RPL27: variants seen among roughly 807,000 people sequenced by gnomAD.
The protein encoded by RPL27 is large ribosomal subunit protein eL27.
For missense variants in RPL27, 131 were observed against 174.3 expected (o/e 0.75, Z 1.40); for synonymous variants, 77 against 61.0 (o/e 1.26, Z -1.22).
In RPL27 at chr17:43,002,914, G is replaced by A. The variant is rs369125440; in HGVS notation, c.405G>A (p.Arg135=). The part of the protein sequence containing the change: ...GKNKWFFQKL[R]F ...ACAAGTGGTTCTTCCAGAAACTGCG[G>A]TTTTAGATGCTTTGTTTTGATCATT... Residue 135 remains arginine, a synonymous_variant, in exon 5 of 5, where the codon CGG becomes CGA. Transcript: ENST00000253788. 1.9e-6 allele frequency: 3 copies of A among 1,612,488 alleles called. No individual in the cohort carries two copies. Among genetic ancestry groups the A allele is most frequent in the Middle Eastern group, 1.7e-4 (1 of 6,056 alleles).
In RPL27 at chr17:42,998,454, G is replaced by C. The variant is rs9899458; in HGVS notation, c.-20G>C. The stretch of plus-strand genomic sequence containing the variant: ...TCCTTCTTTCCTTTTTGCTGGTAGG[G>C]CCGGGTGGTTGCTGCCGGTAAGTAG... On this transcript the variant is annotated 5_prime_UTR_variant, in exon 1 of 5. Coordinates refer to ENST00000253788, the MANE Select transcript of RPL27 (RefSeq NM_000988.5). 296,364 of 299,454 alleles carry C rather than the reference G, an allele frequency of 0.99. 146,731 individuals are homozygous for C. The highest frequency in any genetic ancestry group is 1 in the East Asian group (11,123 of 11,124). 18.5% of individuals were successfully genotyped at this position (299,454 alleles called of 1,614,324 possible).
Position 43,002,653 on chromosome 17 carries a change from C to G in RPL27, c.252-20C>G. The G allele has an allele frequency of 6.7e-7, 1 of 1,501,402 alleles. No individual in the cohort carries two copies. Among genetic ancestry groups the G allele is most frequent in the Non-Finnish European group, 9.3e-7 (1 of 1,077,978 alleles). 93.0% of individuals were successfully genotyped at this position (1,501,402 alleles called of 1,614,324 possible). A position where few individuals can be genotyped will look rare whatever the true frequency, so the allele number is the denominator to read the frequency against. ...CCGGCAGTATGTGGGCTAATCCTGC[C>G]TCTCCACCTTTGTCCCCAGGTACTC... On this transcript the variant is annotated intron_variant, in intron 3 of 4. Transcript: ENST00000253788.
chr17:43,002,691 C>G lies in RPL27; in HGVS notation c.270C>G (p.Pro90=), dbSNP rs544770646. The part of the protein sequence containing the change: ...LMPTRYSVDI[P]LDKTVVNKDV... ...TCCCCAGGTACTCTGTGGATATCCC[C>G]TTGGACAAAACTGTCGTCAATAAGG... Residue 90 remains proline (P), a synonymous_variant, in exon 4 of 5, where the codon CCC becomes CCG. Coordinates refer to ENST00000253788, the MANE Select transcript of RPL27 (RefSeq NM_000988.5). 47 of 1,612,468 alleles carry G rather than the reference C, an allele frequency of 2.9e-5. No individual in the cohort carries two copies. In the South Asian group the frequency reaches 4.8e-4, roughly 17 times the overall value.
intron 4 of RPL27, 37 bp downstream of exon 4, chr17:43,002,820 T>C: frequency 1.2e-6 from 2 of 1,603,732 alleles, no homozygotes; most frequent in Non-Finnish European, 1.7e-6. Context: ...GGAGTATGGT[T>C]TCACTATTTC....
chr17:42,999,116 T>A, intron 2 of RPL27: 1 of 396,934 alleles, frequency 2.5e-6, no homozygotes. Flanking sequence ...TTTCAGGTAT[T>A]GTCATGTGCA....
intron 3 of RPL27, 33 bp from the exon 4 acceptor site, chr17:43,002,640 G>T: frequency 7.2e-7 from 1 of 1,382,090 alleles, no homozygotes; most frequent in Non-Finnish European, 1.0e-6. Context: ...GGCAGTATGT[G>T]GGCTAATCCT....
intron 3 of RPL27, among the ~76,000 whole-genome samples, chr17:43,001,571 A>G (rs568857866): frequency 2.5e-4 from 38 of 151,658 alleles, no homozygotes; most frequent in South Asian, 4.1e-4. Context: ...CAGTGAGCTG[A>G]GATGGCACCA....
intron 3 of RPL27, among the ~76,000 whole-genome samples, chr17:43,001,644 G>A (rs558005814): frequency 6.6e-6 from 1 of 151,324 alleles, no homozygotes; most frequent in African/African-American, 2.4e-5. Context: ...AATAATAAAA[G>A]GGCAGAGAGA....
At chr17:42,999,032 C>T in intron 2 of RPL27, 2 of 559,678 alleles carry the variant, frequency 3.6e-6, no homozygotes, top group Non-Finnish European at 6.4e-6. Context: ...ACGCATAAAG[C>T]CTTCTCCACC....
intron 1 of RPL27, 21 bp from the exon 2 acceptor site, chr17:42,998,728 C>G: frequency 6.2e-7 from 1 of 1,602,036 alleles, no homozygotes; most frequent in Non-Finnish European, 8.5e-7. Flanking sequence ...TTAAGTGGCC[C>G]TTTCTCCTTG....
In RPL27 at chr17:43,002,651, G is replaced by T. The variant is rs748940329; in HGVS notation, c.252-22G>T. 5 of 1,487,804 alleles carry T rather than the reference G, an allele frequency of 3.4e-6. No homozygotes were observed. In the Admixed American group the frequency reaches 5.0e-5, roughly 15 times the overall value. The allele number at this position is 1,487,804 out of a possible 1,614,324, so 92.2% of individuals were successfully genotyped here. On this transcript the variant is annotated intron_variant, in intron 3 of 4. Coordinates refer to ENST00000253788, the MANE Select transcript of RPL27 (RefSeq NM_000988.5). ...CCCCGGCAGTATGTGGGCTAATCCT[G>T]CCTCTCCACCTTTGTCCCCAGGTAC...
intron 3 of RPL27, among the ~76,000 whole-genome samples, chr17:43,001,887 C>G (rs1233147086): frequency 6.6e-6 from 1 of 151,538 alleles, no homozygotes. Context: ...ATCAGGAGAT[C>G]GAGACCATCC....
chr17:42,998,922 T>A, intron 2 of RPL27, 91 bp downstream of exon 2: 1 of 1,023,344 alleles, frequency 9.8e-7, no homozygotes, highest in African/African-American at 1.6e-5. Context: ...GGCCTGTTTC[T>A]GGGGCAGTAG....
intron 2 of RPL27, chr17:42,999,168 C>CT (rs1362616067): frequency 5.6e-3 from 1,111 of 198,874 alleles, no homozygotes; most frequent in South Asian, 0.013. Flanking sequence ...CTTTTCTTTT[C>CT]TTTTTTTTTT....
intron 2 of RPL27, chr17:42,999,674 GC>G (rs2050338652): frequency 2.3e-6 from 1 of 434,078 alleles, no homozygotes; most frequent in South Asian, 2.7e-5. Context: ...TTGGCATATA[GC>G]AAGTACTTCT....
At chr17:42,998,519 CTT>C in intron 1 of RPL27, 48 bp downstream of exon 1, 1 of 436,202 alleles carries the variant, frequency 2.3e-6, no homozygotes, top group Non-Finnish European at 4.1e-6. Flanking sequence ...CCATCCGCGG[CTT>C]GGGGGTCGAA....
chr17:42,999,862 A>G, intron 2 of RPL27, 71 bp from the exon 3 acceptor site: 1 of 1,268,058 alleles, frequency 7.9e-7, no homozygotes, highest in South Asian at 1.3e-5. Context: ...TTTTTTGGAC[A>G]CTGCACTACC....
Position 42,999,163 on chromosome 17 carries a change from CTTTTCTTTTT to C in RPL27, c.81+337_81+346del, listed in dbSNP as rs1270280292. ...AATCATAGGGGATTCCTTTTCTTTT[CTTTTCTTTTT>C]TTTTTTTTTGAGACGGGATCTCTGT... is the stretch of plus-strand genomic sequence containing the variant. On this transcript the variant is annotated intron_variant, in intron 2 of 4. Coordinates refer to ENST00000253788, the MANE Select transcript of RPL27 (RefSeq NM_000988.5). 2.6e-4 allele frequency: 53 copies of C among 203,740 alleles called. 3 individuals are homozygous for C. Among genetic ancestry groups the C allele is most frequent in the Admixed American group, 1.2e-4 (2 of 16,434 alleles). 12.6% of individuals were successfully genotyped at this position (203,740 alleles called of 1,614,324 possible). A position where few individuals can be genotyped will look rare whatever the true frequency, so the allele number is the denominator to read the frequency against.
At chr17:43,002,574 G>T (rs1351139046) in intron 3 of RPL27, 99 bp from the exon 4 acceptor site, 2 of 715,898 alleles carry the variant, frequency 2.8e-6, no homozygotes, top group Non-Finnish European at 5.2e-6. Flanking sequence ...TGCTTCTAAG[G>T]AGTCAGACCC....
Sources: allele counts gnomAD v4.1 joint callset (sites outside exome capture counted in the v4.1 genomes callset), GRCh38; gene constraint gnomAD v4.1.1; transcripts MANE v1.5; gene names NCBI Gene and HGNC (gene_info 2026-07-23, HGNC 2026-07-21).